Variants in WDR45B observed in about 807,000 individuals in gnomAD.
The protein encoded by WDR45B is WD repeat domain 45B.
WDR45B carries 20 observed loss-of-function variants against 44.6 expected under a neutral mutation model. The ratio of observed to expected loss-of-function variants is 0.45; its 90% CI spans 0.32 to 0.65. The LOEUF is 0.65. WDR45B is among the 30% of genes least tolerant of loss of function. The probability of loss-of-function intolerance (pLI) is 0.05; values close to 1 mark genes in which losing one functional copy is unlikely to be tolerated. For synonymous variants in WDR45B, 169 were observed against 164.9 expected, an observed-to-expected ratio of 1.02 and a Z score of -0.19; for missense variants, 323 against 430.2, an observed-to-expected ratio of 0.75 and a Z score of 2.20.
At chr17:82,646,333 C>T (rs893307068) in intron 1 of WDR45B, among the ~76,000 whole-genome samples, 10 of 150,660 alleles carry the variant, frequency 6.6e-5, no homozygotes, top group Non-Finnish European at 1.0e-4. Flanking sequence ...ACTAAAAATA[C>T]AAAATTAGCC....
At position 82,629,896 on chromosome 17, in the gene WDR45B, G is replaced by A. The variant is rs1022714284; in HGVS notation, c.244+1025C>T. 7 of 984,966 alleles carry A rather than the reference G, an allele frequency of 7.1e-6. No homozygotes were observed. In the South Asian group the frequency reaches 1.4e-4, roughly 20 times the overall value. 61.0% of individuals were successfully genotyped at this position (984,966 alleles called of 1,614,324 possible). ...ACTCACTTCCCATTTGGCATGCGGC[G>A]CCCCCAGAGCCCCATCCTGGTCTTG... On this transcript the variant is annotated intron_variant, in intron 3 of 9. Coordinates refer to ENST00000392325, the MANE Select transcript of WDR45B (RefSeq NM_019613.4).
chr17:82,629,685 G>A (rs2045743074), intron 3 of WDR45B: 2 of 984,998 alleles, frequency 2.0e-6, no homozygotes, highest in Non-Finnish European at 2.4e-6. Context: ...CCCGAGTGTG[G>A]TCTCTCTTCC....
intron 2 of WDR45B, among the ~76,000 whole-genome samples, chr17:82,642,922 C>T (rs1019136366): frequency 1.3e-5 from 2 of 152,178 alleles, no homozygotes; most frequent in African/African-American, 2.4e-5. Context: ...GCAAGTCAAG[C>T]TGTTTTAAAA....
intron 1 of WDR45B, among the ~76,000 whole-genome samples, chr17:82,647,454 G>A (rs2045993355): frequency 6.6e-6 from 1 of 152,218 alleles, no homozygotes; most frequent in African/African-American, 2.4e-5. Flanking sequence ...GCCTCCCGCG[G>A]GAATCCGACC....
intron 2 of WDR45B, among the ~76,000 whole-genome samples, chr17:82,643,017 G>A (rs770395893): frequency 1.3e-5 from 2 of 152,148 alleles, no homozygotes; most frequent in Non-Finnish European, 2.9e-5. Context: ...CAGTGTATGT[G>A]GCATCATACA....
intron 8 of WDR45B, 86 bp downstream of exon 8, chr17:82,617,210 G>A: frequency 8.2e-7 from 1 of 1,224,106 alleles, no homozygotes; most frequent in Admixed American, 1.9e-5. Flanking sequence ...ACCCTGCTGG[G>A]GTGGGGGGCC....
intron 4 of WDR45B, 136 bp downstream of exon 4, chr17:82,627,068 T>A: frequency 1.2e-6 from 1 of 800,062 alleles, no homozygotes; most frequent in Non-Finnish European, 2.2e-6. Flanking sequence ...CTTATATCCT[T>A]ATGGTCATAA....
intron 2 of WDR45B, among the ~76,000 whole-genome samples, chr17:82,639,181 T>G (rs962602509): frequency 1.3e-5 from 2 of 152,024 alleles, no homozygotes; most frequent in Non-Finnish European, 2.9e-5. Context: ...TATGCTATTC[T>G]CTACTTTCTT....
At chr17:82,635,822 A>G (rs1280894247) in intron 2 of WDR45B, among the ~76,000 whole-genome samples, 1 of 151,854 alleles carries the variant, frequency 6.6e-6, no homozygotes, top group Non-Finnish European at 1.5e-5. Flanking sequence ...AGGGGCTGAC[A>G]CCTATAATCT....
In WDR45B at chr17:82,644,030, C is replaced by G. The variant is rs754244538; in HGVS notation, c.68-7G>C. 2 of 1,613,996 alleles carry G rather than the reference C, an allele frequency of 1.2e-6. No individual in the cohort carries two copies. Among genetic ancestry groups the G allele is most frequent in the East Asian group, 4.5e-5 (2 of 44,886 alleles). On this transcript the variant is annotated splice_region_variant and splice_polypyrimidine_tract_variant and intron_variant, in intron 1 of 9. Transcript: ENST00000392325. ...ATCCCACACGCAAAGCATCCTAAAG[C>G]AGAAGTGTAAAAGAGACATTAATCC...
intron 9 of WDR45B, 65 bp downstream of exon 9, chr17:82,616,459 G>C: frequency 1.2e-6 from 2 of 1,611,204 alleles, no homozygotes; most frequent in Non-Finnish European, 8.5e-7. Flanking sequence ...AGTTAGGTCT[G>C]ACGCTCAGTG....
chr17:82,623,948 A>C (rs2045656903), intron 5 of WDR45B, among the ~76,000 whole-genome samples: 1 of 152,094 alleles, frequency 6.6e-6, no homozygotes, highest in Admixed American at 6.5e-5. Flanking sequence ...TGGAACACTC[A>C]TAAATCATGG....
chr17:82,648,393 G>A lies in WDR45B; in HGVS notation c.-53C>T, dbSNP rs546337286. 1.8e-5 allele frequency: 29 copies of A among 1,586,500 alleles called. No individual in the cohort carries two copies. In the African/African-American group the frequency reaches 3.3e-4, roughly 18 times the overall value. ...TCAGCGCTGCATGCCTCTCGCTGGG[G>A]ACGGCGGCCTGGTCCCTTCGGGCCG... On this transcript the variant is annotated 5_prime_UTR_variant, in exon 1 of 10. Coordinates refer to ENST00000392325, the MANE Select transcript of WDR45B (RefSeq NM_019613.4).
chr17:82,638,775 A>G (rs1008998162), intron 2 of WDR45B, among the ~76,000 whole-genome samples: 1 of 152,126 alleles, frequency 6.6e-6, no homozygotes, highest in Non-Finnish European at 1.5e-5. Flanking sequence ...CATCATTTCT[A>G]TAAAACAACA....
At chr17:82,636,203 G>A (rs2045830478) in intron 2 of WDR45B, among the ~76,000 whole-genome samples, 1 of 148,516 alleles carries the variant, frequency 6.7e-6, no homozygotes, top group Non-Finnish European at 1.5e-5. Flanking sequence ...GGAGGTTGCA[G>A]TGAGCCGAGA....
chr17:82,618,597 C>T (rs992988103), intron 7 of WDR45B, among the ~76,000 whole-genome samples: 2 of 152,154 alleles, frequency 1.3e-5, no homozygotes, highest in East Asian at 1.9e-4. Context: ...ATTAGCCGGG[C>T]GTGGTGGTGC....
chr17:82,646,797 G>A (rs971113173), intron 1 of WDR45B, among the ~76,000 whole-genome samples: 1 of 152,134 alleles, frequency 6.6e-6, no homozygotes, highest in African/African-American at 2.4e-5. Context: ...GAGAAGGCTA[G>A]GCATCTCCCT....
At chr17:82,639,883 G>A (rs77502621) in intron 2 of WDR45B, among the ~76,000 whole-genome samples, 3 of 74,138 alleles carry the variant, frequency 4.0e-5, no homozygotes, top group Non-Finnish European at 8.4e-5. Flanking sequence ...TGTGTGGGTC[G>A]GGAGGGCTGC....
At chr17:82,635,716 C>T (rs376625862) in intron 2 of WDR45B, among the ~76,000 whole-genome samples, 1 of 151,922 alleles carries the variant, frequency 6.6e-6, no homozygotes, top group Admixed American at 6.5e-5. Flanking sequence ...AGCCACTGTG[C>T]GCAGCCGTCT....
Sources: gnomAD v4.1 joint callset for allele counts (sites outside exome capture counted in the v4.1 genomes callset) on GRCh38, gnomAD v4.1.1 for gene constraint, MANE v1.5 for transcripts, NCBI Gene and HGNC (gene_info 2026-07-23, HGNC 2026-07-21) for gene names.